GBF1: variants seen among roughly 807,000 people sequenced by gnomAD.
GBF1 encodes Golgi-specific brefeldin A-resistance guanine nucleotide exchange factor 1.
A neutral mutation model predicts 210.5 loss-of-function variants in GBF1; 114 were observed. The ratio of observed to expected loss-of-function variants is 0.54; its 90% CI spans 0.47 to 0.63. The LOEUF is 0.63. GBF1 is among the 30% of genes least tolerant of loss of function. GBF1 has a pLI of 0.00. For missense variants in GBF1, 1,851 were observed against 2,357.7 expected, an observed-to-expected ratio of 0.79 and a Z score of 4.45; for synonymous variants, 850 against 889.2, an observed-to-expected ratio of 0.96 and a Z score of 0.78.
At chr10:102,380,427 C>T in intron 37 of GBF1, 65 bp downstream of exon 37, 1 of 1,581,206 alleles carries the variant, frequency 6.3e-7, no homozygotes, top group Non-Finnish European at 8.7e-7. Context: ...TTGCCCTTTC[C>T]CCCTTGGTAG....
chr10:102,249,644 G>A (rs1021756629), intron 1 of GBF1, among the ~76,000 whole-genome samples: 17 of 151,122 alleles, frequency 1.1e-4, no homozygotes, highest in Admixed American at 2.6e-4. Flanking sequence ...GTGTTCCTAG[G>A]CCAGCTCTGG....
At position 102,375,460 on chromosome 10, in the gene GBF1, T is replaced by C. The variant is rs766483465; in HGVS notation, c.3762T>C (p.Asn1254=). Residue 1254 remains asparagine (N), a synonymous_variant, in exon 30 of 40, where the codon AAT becomes AAC. Coordinates refer to ENST00000369983, the MANE Select transcript of GBF1 (RefSeq NM_001377137.1). ...GGCTCCATGAACTCCTGAAGACCAATGCAGCCAACATCCACTCAGGTGATG... is the reference window on the plus strand; with the variant it reads ...GGCTCCATGAACTCCTGAAGACCAACGCAGCCAACATCCACTCAGGTGATG... ...AYGLHELLKT[N]AANIHSGDDW... 35 of 1,613,602 alleles carry C rather than the reference T, an allele frequency of 2.2e-5. No individual in the cohort carries two copies. Among genetic ancestry groups the C allele is most frequent in the Non-Finnish European group, 3.4e-6 (4 of 1,179,638 alleles).
intron 1 of GBF1, among the ~76,000 whole-genome samples, chr10:102,256,905 G>A (rs780609015): frequency 1.3e-5 from 2 of 152,176 alleles, no homozygotes; most frequent in Non-Finnish European, 2.9e-5. Context: ...TGGGTTGGTG[G>A]TGTGCGCCTG....
At chr10:102,320,226 G>A (rs551536761) in intron 3 of GBF1, among the ~76,000 whole-genome samples, 3 of 152,100 alleles carry the variant, frequency 2.0e-5, no homozygotes, top group South Asian at 2.1e-4. Context: ...GTTTTCCTTC[G>A]AAACTTGATG....
At chr10:102,232,722 A>G in the GBF1 span, among the ~76,000 whole-genome samples, 1 of 152,164 alleles carries the variant, frequency 6.6e-6, no homozygotes, top group African/African-American at 2.4e-5. Context: ...AGCACGCTAC[A>G]TACCCTATAC....
At chr10:102,292,694 C>T (rs1289417446) in intron 3 of GBF1, among the ~76,000 whole-genome samples, 1 of 152,064 alleles carries the variant, frequency 6.6e-6, no homozygotes, top group Non-Finnish European at 1.5e-5. Context: ...TCCCTAAAGT[C>T]CTAAGATTTT....
At chr10:102,252,488 A>G (rs1192236998) in intron 1 of GBF1, among the ~76,000 whole-genome samples, 1 of 152,232 alleles carries the variant, frequency 6.6e-6, no homozygotes, top group African/African-American at 2.4e-5. Context: ...GAGAAAAAAC[A>G]TTCAGAATAG....
At chr10:102,326,825 A>G (rs907596724) in intron 3 of GBF1, among the ~76,000 whole-genome samples, 2 of 152,172 alleles carry the variant, frequency 1.3e-5, no homozygotes, top group Middle Eastern at 3.2e-3. Context: ...GAATTTATCC[A>G]TGTTGCATAT....
intron 3 of GBF1, among the ~76,000 whole-genome samples, chr10:102,336,343 G>A (rs963279508): frequency 2.0e-5 from 3 of 150,790 alleles, no homozygotes; most frequent in African/African-American, 7.3e-5. Context: ...AAATGAACTG[G>A]TATACAATAT....
intron 1 of GBF1, among the ~76,000 whole-genome samples, chr10:102,253,045 C>T (rs1411869223): frequency 6.6e-6 from 1 of 152,114 alleles, no homozygotes; most frequent in Non-Finnish European, 1.5e-5. Flanking sequence ...CAGGCCCCTG[C>T]CATCATGCCC....
At chr10:102,281,707 A>G (rs1455141794) in intron 3 of GBF1, among the ~76,000 whole-genome samples, 2 of 151,414 alleles carry the variant, frequency 1.3e-5, no homozygotes, top group Non-Finnish European at 2.9e-5. Context: ...AACATCTTAC[A>G]TTAATATGAC....
At chr10:102,343,977 C>A in intron 3 of GBF1, 74 bp from the exon 4 acceptor site, 2 of 1,305,044 alleles carry the variant, frequency 1.5e-6, no homozygotes, top group Non-Finnish European at 2.2e-6. Context: ...CCTCATGGCA[C>A]AAACAAGAAA....
At chr10:102,381,656 G>A (rs2060856173) in intron 39 of GBF1, among the ~76,000 whole-genome samples, 1 of 151,512 alleles carries the variant, frequency 6.6e-6, no homozygotes, top group African/African-American at 2.4e-5. Context: ...AACCCCGCCT[G>A]TACCAAAAAA....
At chr10:102,333,296 C>G (rs1457881131) in intron 3 of GBF1, among the ~76,000 whole-genome samples, 1 of 152,178 alleles carries the variant, frequency 6.6e-6, no homozygotes, top group African/African-American at 2.4e-5. Flanking sequence ...TGTCCGTTGA[C>G]AGTGTTTTCT....
chr10:102,236,386 AG>A, the GBF1 span, among the ~76,000 whole-genome samples: 1 of 152,378 alleles, frequency 6.6e-6, no homozygotes, highest in East Asian at 1.9e-4. Context: ...CAGCTCTGGA[AG>A]GGGGCTGCCG....
At chr10:102,273,848 A>C (rs1387388650) in intron 3 of GBF1, among the ~76,000 whole-genome samples, 1 of 152,226 alleles carries the variant, frequency 6.6e-6, no homozygotes, top group Non-Finnish European at 1.5e-5. Context: ...CCAAGGAAAT[A>C]AGAATTGTGG....
At chr10:102,231,918 G>A in the GBF1 span, 197 of 1,565,098 alleles carry the variant, frequency 1.3e-4, no homozygotes, top group Non-Finnish European at 1.7e-4. Context: ...CCGCACTGGG[G>A]ATGAAGCTGT....
At chr10:102,235,187 A>AG in the GBF1 span, among the ~76,000 whole-genome samples, 1 of 62,462 alleles carries the variant, frequency 1.6e-5, no homozygotes, top group Admixed American at 1.7e-4. Flanking sequence ...CCACCCCCCC[A>AG]CCGCCTCCCT....
At chr10:102,285,958 T>C (rs1356507442) in intron 3 of GBF1, among the ~76,000 whole-genome samples, 1 of 152,192 alleles carries the variant, frequency 6.6e-6, no homozygotes. Flanking sequence ...TGTTTATTGC[T>C]GCCATTGGTT....
Sources: gnomAD v4.1 joint callset for allele counts (sites outside exome capture counted in the v4.1 genomes callset) on GRCh38, gnomAD v4.1.1 for gene constraint, MANE v1.5 for transcripts, NCBI Gene and HGNC (gene_info 2026-07-23, HGNC 2026-07-21) for gene names.